Variants in CNTN4 observed in about 807,000 individuals in gnomAD.
The protein encoded by CNTN4 is contactin 4.
A neutral mutation model predicts 122.5 loss-of-function variants in CNTN4; 77 were observed. The observed-to-expected ratio is 0.63, with a 90% CI of 0.52 to 0.76. The LOEUF (loss-of-function observed/expected upper bound fraction) is 0.76. CNTN4 is among the 30% of genes least tolerant of loss of function. CNTN4 has a pLI of 0.00. For missense variants in CNTN4, 1,256 were observed against 1,259.1 expected, an observed-to-expected ratio of 1.00 and a Z score of 0.04; for synonymous variants, 512 against 447.0, an observed-to-expected ratio of 1.15 and a Z score of -1.83.
chr3:2,745,715 A>C lies in CNTN4; in HGVS notation c.358+18A>C. On this transcript the variant is annotated intron_variant, in intron 6 of 24. Transcript: ENST00000418658. Reference sequence around the variant, plus strand: ...GTTTGCTTGTAAGTAGCAATTATACAATGCTGCAAATGTTGCTTTCAGTTT... The same window carrying C: ...GTTTGCTTGTAAGTAGCAATTATACCATGCTGCAAATGTTGCTTTCAGTTT... 6.2e-7 allele frequency: 1 copy of C among 1,610,890 alleles called. No homozygotes were observed. The highest frequency in any genetic ancestry group is 8.5e-7 in the Non-Finnish European group (1 of 1,177,084).
At chr3:2,768,910 T>A (rs2090971693) in intron 6 of CNTN4, among the ~76,000 whole-genome samples, 1 of 152,152 alleles carries the variant, frequency 6.6e-6, no homozygotes, top group Non-Finnish European at 1.5e-5. Flanking sequence ...TTCCTCAAGT[T>A]CGTGATCCCA....
chr3:2,986,514 C>T (rs932842860), intron 13 of CNTN4, among the ~76,000 whole-genome samples: 1 of 152,138 alleles, frequency 6.6e-6, no homozygotes, highest in African/African-American at 2.4e-5. Flanking sequence ...AGATCTGGAC[C>T]GGGTCTTCAG....
chr3:2,620,440 C>T (rs1251365217), intron 4 of CNTN4, among the ~76,000 whole-genome samples: 1 of 152,082 alleles, frequency 6.6e-6, no homozygotes. Context: ...GTTGAGGCTG[C>T]AGTCAGCCAT....
rs2084511827 is a variant in CNTN4, at chr3:2,671,518, C to A, written c.56-64697C>A. 2.0e-5 allele frequency among the ~76,000 whole-genome samples: 3 copies of A among 152,232 alleles called. No homozygotes were observed. In the South Asian group the frequency reaches 6.2e-4, roughly 32 times the overall value. On this transcript the variant is annotated intron_variant, in intron 4 of 24. Coordinates refer to ENST00000418658, the MANE Select transcript of CNTN4 (RefSeq NM_175607.3). Reference sequence around the variant, plus strand: ...AATCTTTTTTCAAGGTTTTTAACTTCTTTGCCATGGTTTCAAACTTCCTCC... The same window carrying A: ...AATCTTTTTTCAAGGTTTTTAACTTATTTGCCATGGTTTCAAACTTCCTCC...
At chr3:3,007,731 A>T (rs1480084646) in intron 14 of CNTN4, among the ~76,000 whole-genome samples, 2 of 152,184 alleles carry the variant, frequency 1.3e-5, no homozygotes, top group African/African-American at 4.8e-5. Context: ...TAACCCATAG[A>T]TTGGTATGGG....
At chr3:2,481,067 T>TTCTTTCTC (rs1559592822) in intron 3 of CNTN4, among the ~76,000 whole-genome samples, 5 of 144,122 alleles carry the variant, frequency 3.5e-5, no homozygotes, top group Non-Finnish European at 7.6e-5. Flanking sequence ...CTTTCTCTCT[T>TTCTTTCTC]TCTCTCTTTC....
At chr3:2,287,896 T>C (rs2042001911) in intron 2 of CNTN4, among the ~76,000 whole-genome samples, 1 of 152,146 alleles carries the variant, frequency 6.6e-6, no homozygotes, top group Admixed American at 6.5e-5. Flanking sequence ...ATTGCAAGAA[T>C]ACAAAACTAA....
At chr3:2,590,663 T>G (rs1576126242) in intron 4 of CNTN4, among the ~76,000 whole-genome samples, 1 of 152,146 alleles carries the variant, frequency 6.6e-6, no homozygotes, top group East Asian at 1.9e-4. Flanking sequence ...TCTAATCTTC[T>G]TTTCCATTAC....
At chr3:2,164,574 A>G (rs72622128) in intron 2 of CNTN4, among the ~76,000 whole-genome samples, 49,087 of 152,076 alleles carry the variant, frequency 0.32, 8,710 homozygotes, top group Admixed American at 0.43. Flanking sequence ...TAGACATACC[A>G]TGATGGAATT....
chr3:2,981,171 G>T (rs561320429), intron 13 of CNTN4, among the ~76,000 whole-genome samples: 1 of 152,224 alleles, frequency 6.6e-6, no homozygotes, highest in African/African-American at 2.4e-5. Context: ...TGGGCCGGGC[G>T]CGGTGGCTCA....
At chr3:2,948,637 G>A (rs764402306) in intron 13 of CNTN4, among the ~76,000 whole-genome samples, 5 of 151,914 alleles carry the variant, frequency 3.3e-5, no homozygotes, top group Admixed American at 6.6e-5. Context: ...TTTATTTCTG[G>A]CAGGTTTGGA....
At chr3:2,894,400 A>G (rs1205548830) in intron 10 of CNTN4, among the ~76,000 whole-genome samples, 2 of 152,184 alleles carry the variant, frequency 1.3e-5, no homozygotes, top group South Asian at 2.1e-4. Flanking sequence ...TGGACAGAGA[A>G]TGGATGTTGG....
intron 4 of CNTN4, among the ~76,000 whole-genome samples, chr3:2,633,226 G>A (rs369947953): frequency 1.3e-5 from 2 of 152,142 alleles, no homozygotes; most frequent in East Asian, 3.9e-4. Flanking sequence ...TGGGAGCACT[G>A]TTCACATAAA....
chr3:2,150,006 T>C (rs1449299651), intron 2 of CNTN4, among the ~76,000 whole-genome samples: 1 of 150,500 alleles, frequency 6.6e-6, no homozygotes, highest in African/African-American at 2.4e-5. Context: ...GTAAGCTGAA[T>C]ATATGCAAGG....
chr3:2,932,751 GA>G (rs1469419898), intron 13 of CNTN4, among the ~76,000 whole-genome samples: 2 of 151,436 alleles, frequency 1.3e-5, no homozygotes, highest in Non-Finnish European at 2.9e-5. Context: ...GAGCAAGCAA[GA>G]GAGAAAAAAA....
Position 2,849,780 on chromosome 3 carries a change from G to A in CNTN4, c.455-16972G>A, listed in dbSNP as rs1488049938. Among the ~76,000 whole-genome samples the A allele has an allele frequency of 3.9e-5, 6 of 152,290 alleles. No individual in the cohort carries two copies. In the East Asian group the frequency reaches 7.7e-4, roughly 20 times the overall value. ...TTGTCTCCTATGGCCAGCCAGGCAG[G>A]TAAGAATGTAAATGAATCAGATAAT... On this transcript the variant is annotated intron_variant, in intron 7 of 24. Transcript: ENST00000418658.
At chr3:2,614,240 A>G (rs12634177) in intron 4 of CNTN4, among the ~76,000 whole-genome samples, 13,901 of 152,220 alleles carry the variant, frequency 0.091, 833 homozygotes, top group Non-Finnish European at 0.13. Context: ...TAGCTGGTGC[A>G]AAGACCCTCA....
At position 2,746,746 on chromosome 3, in the gene CNTN4, A is replaced by C. The variant is rs915472359; in HGVS notation, c.358+1049A>C. On this transcript the variant is annotated intron_variant, in intron 6 of 24. Coordinates refer to ENST00000418658, the MANE Select transcript of CNTN4 (RefSeq NM_175607.3). Reference sequence around the variant, plus strand: ...TTTGGTGGCATTTTTATAAGTTGGGAAATGAATTTTCTAAGTATTATGTAT... The same window carrying C: ...TTTGGTGGCATTTTTATAAGTTGGGCAATGAATTTTCTAAGTATTATGTAT... Among the ~76,000 whole-genome samples, 21 of 152,324 alleles carry C rather than the reference A, an allele frequency of 1.4e-4. No homozygotes were observed. The East Asian group carries it at 4.1e-3, about 29-fold the overall frequency.
chr3:2,500,371 A>T (rs2076564405), intron 3 of CNTN4, among the ~76,000 whole-genome samples: 3 of 151,924 alleles, frequency 2.0e-5, no homozygotes, highest in Admixed American at 2.0e-4. Context: ...GTGTTATTTT[A>T]GCTTCTAAGA....
Sources: allele counts gnomAD v4.1 joint callset (sites outside exome capture counted in the v4.1 genomes callset), GRCh38; gene constraint gnomAD v4.1.1; transcripts MANE v1.5; gene names NCBI Gene and HGNC (gene_info 2026-07-23, HGNC 2026-07-21).